DLGAP2: variants seen among roughly 807,000 people sequenced by gnomAD.
DLGAP2 encodes the protein DLG associated protein 2.
Under a neutral mutation model 100.3 loss-of-function variants are expected in DLGAP2, and 26 were observed. The ratio of observed to expected loss-of-function variants is 0.26; its 90% CI spans 0.19 to 0.36. The LOEUF is 0.36. Among genes scored for constraint, DLGAP2 ranks in the 10% least tolerant of loss-of-function variants. DLGAP2 has a pLI of 1.00. For synonymous variants in DLGAP2, 886 were observed against 630.1 expected (o/e 1.41, Z -6.08); for missense variants, 1,858 against 1,453.2 (o/e 1.28, Z -4.53).
Position 1,130,747 on chromosome 8 carries a change from T to A in DLGAP2, c.74-128104T>A, listed in dbSNP as rs144616211. Among the ~76,000 whole-genome samples, 109 of 152,274 alleles carry A rather than the reference T, an allele frequency of 7.2e-4. 2 individuals are homozygous for A. The East Asian group carries it at 0.013, about 18-fold the overall frequency. The stretch of plus-strand genomic sequence containing the variant: ...GACAGACCGCACCAGAGGCCTGATG[T>A]TTGGTGCAGTCATCTTTGCGGGAAA... On this transcript the variant is annotated intron_variant, in intron 2 of 14. Coordinates refer to ENST00000637795, the MANE Select transcript of DLGAP2 (RefSeq NM_001346810.2).
chr8:1,122,542 G>A (rs2129047820), intron 2 of DLGAP2, among the ~76,000 whole-genome samples: 1 of 152,248 alleles, frequency 6.6e-6, no homozygotes, highest in East Asian at 1.9e-4. Context: ...ATCATAAACT[G>A]TTTTGTCATA....
In DLGAP2 at chr8:1,317,462, C is replaced by T. The variant is rs1189250046; in HGVS notation, c.106+58579C>T. Among the ~76,000 whole-genome samples the T allele has an allele frequency of 4.6e-3, 640 of 138,668 alleles. 18 individuals are homozygous for T. Among genetic ancestry groups the T allele is most frequent in the Non-Finnish European group, 6.4e-3 (417 of 65,200 alleles). The allele number at this position is 138,668 out of a possible 152,430, so 91.0% of individuals were successfully genotyped here. A position where few individuals can be genotyped will look rare whatever the true frequency, so the allele number is the denominator to read the frequency against. ...GCAGCTTTTAAAAATAGAGGCTGTG[C>T]GAGTGCAGCGTCTCTCCAACAGTGG... On this transcript the variant is annotated intron_variant, in intron 3 of 14. Coordinates refer to ENST00000637795, the MANE Select transcript of DLGAP2 (RefSeq NM_001346810.2).
intron 2 of DLGAP2, among the ~76,000 whole-genome samples, chr8:930,449 A>G (rs1798929707): frequency 6.6e-6 from 1 of 152,248 alleles, no homozygotes; most frequent in East Asian, 1.9e-4. Flanking sequence ...ATGATGTAAC[A>G]ACACTGCATC....
intron 2 of DLGAP2, among the ~76,000 whole-genome samples, chr8:1,252,068 T>C (rs1012728240): frequency 7.2e-6 from 1 of 139,416 alleles, no homozygotes; most frequent in African/African-American, 2.9e-5. Context: ...TCACACTGTG[T>C]TGTCGTGTGG....
Position 987,826 on chromosome 8 carries a change from C to T in DLGAP2, c.73+79860C>T, listed in dbSNP as rs73673045. 3.5e-3 allele frequency among the ~76,000 whole-genome samples: 532 copies of T among 152,278 alleles called. 5 individuals are homozygous for T. Among genetic ancestry groups the T allele is most frequent in the African/African-American group, 0.012 (481 of 41,536 alleles). The stretch of plus-strand genomic sequence containing the variant: ...GTGCTGGCTTCTTCCCCAGTTTCCC[C>T]CAACATATGACAGATAAAAAGGATC... On this transcript the variant is annotated intron_variant, in intron 2 of 14. Coordinates refer to ENST00000637795, the MANE Select transcript of DLGAP2 (RefSeq NM_001346810.2).
chr8:750,443 G>A (rs1488844750), intron 1 of DLGAP2, among the ~76,000 whole-genome samples: 2 of 152,092 alleles, frequency 1.3e-5, no homozygotes, highest in East Asian at 1.9e-4. Context: ...TTTAGAAACC[G>A]GTTAATACTC....
chr8:1,576,398 T>A (rs1451219442), intron 6 of DLGAP2, among the ~76,000 whole-genome samples: 1 of 152,156 alleles, frequency 6.6e-6, no homozygotes. Flanking sequence ...ATTGCAAAAA[T>A]TTTCTCCCAT....
intron 2 of DLGAP2, among the ~76,000 whole-genome samples, chr8:1,204,396 T>C (rs186363345): frequency 3.3e-5 from 5 of 152,356 alleles, no homozygotes; most frequent in Admixed American, 1.3e-4. Context: ...AGTGAAGTGA[T>C]ACTCACAGGT....
intron 1 of DLGAP2, among the ~76,000 whole-genome samples, chr8:777,011 T>G (rs536316909): frequency 5.3e-5 from 8 of 152,304 alleles, no homozygotes; most frequent in South Asian, 4.2e-4. Flanking sequence ...CACTCAGGAC[T>G]TGCTTTATGA....
At chr8:1,090,002 G>GT (rs1466421499) in intron 2 of DLGAP2, among the ~76,000 whole-genome samples, 1 of 152,176 alleles carries the variant, frequency 6.6e-6, no homozygotes, top group Non-Finnish European at 1.5e-5. Flanking sequence ...CCTGTTTCCT[G>GT]TTTGCACTCT....
At chr8:1,582,646 G>T (rs1286867095) in intron 6 of DLGAP2, among the ~76,000 whole-genome samples, 1 of 152,164 alleles carries the variant, frequency 6.6e-6, no homozygotes, top group African/African-American at 2.4e-5. Flanking sequence ...CTGGAGTGTG[G>T]TGGCACAGTC....
chr8:1,364,135 C>T (rs1052747243), intron 3 of DLGAP2, among the ~76,000 whole-genome samples: 1 of 152,206 alleles, frequency 6.6e-6, no homozygotes. Flanking sequence ...CCCTCCTGAG[C>T]CCGTCTCCCG....
At chr8:1,373,579 C>A (rs966406739) in intron 3 of DLGAP2, 5 of 152,246 alleles carry the variant, frequency 3.3e-5, no homozygotes, top group African/African-American at 1.2e-4. Flanking sequence ...GAGATCATTT[C>A]ACCAGTGAGG....
At chr8:839,433 G>A (rs532366105) in intron 1 of DLGAP2, among the ~76,000 whole-genome samples, 6 of 152,354 alleles carry the variant, frequency 3.9e-5, no homozygotes, top group African/African-American at 1.4e-4. Flanking sequence ...TCATTTGGAG[G>A]AATCTGGAGG....
intron 3 of DLGAP2, among the ~76,000 whole-genome samples, chr8:1,389,981 C>T (rs892943212): frequency 6.6e-6 from 1 of 151,986 alleles, no homozygotes; most frequent in East Asian, 1.9e-4. Context: ...CAGGAGCAAC[C>T]GCAGGCTCTC....
chr8:1,428,779 A>T (rs942254856), intron 3 of DLGAP2, among the ~76,000 whole-genome samples: 19 of 152,228 alleles, frequency 1.2e-4, no homozygotes, highest in African/African-American at 4.6e-4. Context: ...CATGTGGCTC[A>T]TATCAGTGCA....
intron 3 of DLGAP2, among the ~76,000 whole-genome samples, chr8:1,480,780 C>T (rs1050660125): frequency 6.8e-6 from 1 of 147,318 alleles, no homozygotes; most frequent in Admixed American, 6.7e-5. Context: ...GCAGGAGAAT[C>T]GCTTGAACCC....
intron 2 of DLGAP2, among the ~76,000 whole-genome samples, chr8:1,013,637 C>T (rs979025311): frequency 1.4e-5 from 2 of 146,174 alleles, no homozygotes; most frequent in African/African-American, 5.4e-5. Context: ...ACGGTGCCTC[C>T]ACTGTGTGTG....
chr8:1,054,271 G>T (rs758968508), intron 2 of DLGAP2, among the ~76,000 whole-genome samples: 5 of 151,468 alleles, frequency 3.3e-5, no homozygotes, highest in South Asian at 2.1e-4. Context: ...CACACACACG[G>T]ACACACACGC....
Sources: gnomAD v4.1 joint callset for allele counts (sites outside exome capture counted in the v4.1 genomes callset) on GRCh38, gnomAD v4.1.1 for gene constraint, MANE v1.5 for transcripts, NCBI Gene and HGNC (gene_info 2026-07-23, HGNC 2026-07-21) for gene names.